Variants in NAA15 observed in about 807,000 individuals in gnomAD.
NAA15 encodes the protein N-terminal acetyltransferase.
A neutral mutation model predicts 114.0 loss-of-function variants in NAA15; 34 were observed. That is an observed-to-expected ratio of 0.30 (90% CI 0.23 to 0.40). The LOEUF is 0.40. NAA15 is among the 10% of genes least tolerant of loss of function. The probability of loss-of-function intolerance (pLI) is 1.00; values close to 1 mark genes in which losing one functional copy is unlikely to be tolerated. For synonymous variants in NAA15, 340 were observed against 338.0 expected (o/e 1.01, Z -0.06); for missense variants, 658 against 1,004.5 (o/e 0.66, Z 4.66).
chr4:139,303,920 T>TTTTG (rs372264241), intron 1 of NAA15, among the ~76,000 whole-genome samples: 2 of 152,238 alleles, frequency 1.3e-5, no homozygotes, highest in Non-Finnish European at 2.9e-5. Context: ...TAGCACTTTT[T>TTTTG]TTTGTTTGTT....
chr4:139,374,835 A>C (rs1748539061), intron 15 of NAA15, among the ~76,000 whole-genome samples: 1 of 152,176 alleles, frequency 6.6e-6, no homozygotes, highest in African/African-American at 2.4e-5. Context: ...CTTTGGGGGA[A>C]TATGTTCTTG....
At chr4:139,369,597 A>G (rs112030503) in intron 14 of NAA15, among the ~76,000 whole-genome samples, 42,296 of 151,656 alleles carry the variant, frequency 0.28, 6,247 homozygotes, top group African/African-American at 0.38. Context: ...AATCAGCCGG[A>G]CGTGGTGGCA....
At chr4:139,368,820 C>G (rs1217688885) in intron 14 of NAA15, among the ~76,000 whole-genome samples, 2 of 152,076 alleles carry the variant, frequency 1.3e-5, no homozygotes, top group Non-Finnish European at 2.9e-5. Flanking sequence ...TTTCATTTCT[C>G]TATATTAACA....
intron 14 of NAA15, among the ~76,000 whole-genome samples, chr4:139,365,331 T>G (rs1006380935): frequency 6.6e-6 from 1 of 151,490 alleles, no homozygotes; most frequent in African/African-American, 2.4e-5. Flanking sequence ...AGCCACCACA[T>G]GCGGCCTACA....
intron 15 of NAA15, among the ~76,000 whole-genome samples, chr4:139,373,703 C>CTT (rs397964878): frequency 2.1e-5 from 3 of 143,050 alleles, no homozygotes; most frequent in Admixed American, 7.0e-5. Flanking sequence ...TGTTTGTTTG[C>CTT]TTTTTTTTTT....
Position 139,344,268 on chromosome 4 carries a change from G to T in NAA15, c.620G>T (p.Arg207Ile), listed in dbSNP as rs371063595. 14 of 1,613,122 alleles carry T rather than the reference G, an allele frequency of 8.7e-6. 1 individual carries two copies. Among genetic ancestry groups the T allele is most frequent in the Non-Finnish European group, 7.6e-6 (9 of 1,179,466 alleles). Residue 207 changes from arginine (R) to isoleucine (I), a missense_variant, in exon 6 of 20, where the codon AGA becomes ATA. Physicochemically the swap from Arg to Ile is moderately conservative, Grantham distance 97 (BLOSUM62 -3). Coordinates refer to ENST00000296543, the MANE Select transcript of NAA15 (RefSeq NM_057175.5). ...GTTCTTCGGGAAGCAGGTCTCTATA[G>T]AGAAGCTTTGGAACATCTTTGTACC... ...NQVLREAGLY[R>I]EALEHLCTYE...
intron 6 of NAA15, among the ~76,000 whole-genome samples, chr4:139,348,299 C>A (rs983001650): frequency 1.4e-4 from 21 of 151,820 alleles, no homozygotes; most frequent in African/African-American, 4.6e-4. Flanking sequence ...ACAAAACATA[C>A]AAAAATTATC....
At chr4:139,331,873 CTTT>C (rs1302046288) in intron 1 of NAA15, among the ~76,000 whole-genome samples, 1 of 151,982 alleles carries the variant, frequency 6.6e-6, no homozygotes, top group Non-Finnish European at 1.5e-5. Flanking sequence ...CTTATACAAG[CTTT>C]TGTTTTTTCT....
chr4:139,332,648 T>C (rs961646858), intron 1 of NAA15, among the ~76,000 whole-genome samples: 24 of 140,006 alleles, frequency 1.7e-4, no homozygotes, highest in African/African-American at 5.9e-4. Flanking sequence ...GGTGGTGCGA[T>C]CTCTGCTCAC....
At chr4:139,357,737 T>C (rs774370480) in intron 11 of NAA15, among the ~76,000 whole-genome samples, 182 bp downstream of exon 11, 5 of 152,218 alleles carry the variant, frequency 3.3e-5, no homozygotes, top group Non-Finnish European at 7.3e-5. Flanking sequence ...GCTAATTTGG[T>C]GATTTATCTA....
intron 1 of NAA15, among the ~76,000 whole-genome samples, chr4:139,317,518 G>A (rs1347548946): frequency 6.6e-6 from 1 of 152,178 alleles, no homozygotes; most frequent in Non-Finnish European, 1.5e-5. Flanking sequence ...CTACTCGGAA[G>A]GCTGAGGCAG....
At chr4:139,349,427 AT>A in intron 6 of NAA15, 34 bp from the exon 7 acceptor site, 1 of 1,485,160 alleles carries the variant, frequency 6.7e-7, no homozygotes, top group Non-Finnish European at 9.0e-7. Flanking sequence ...GTTTTCTCAG[AT>A]ATTAAAATTT....
intron 9 of NAA15, among the ~76,000 whole-genome samples, chr4:139,352,943 C>G (rs1264729347): frequency 6.6e-6 from 1 of 152,114 alleles, no homozygotes; most frequent in Non-Finnish European, 1.5e-5. Flanking sequence ...GCTGGGATTA[C>G]AGATGTGAGC....
At chr4:139,359,070 A>T (rs1037460039) in intron 11 of NAA15, among the ~76,000 whole-genome samples, 9 of 151,350 alleles carry the variant, frequency 5.9e-5, no homozygotes, top group Admixed American at 5.9e-4. Flanking sequence ...GTGCCACTGT[A>T]CTCTAGTCTG....
intron 6 of NAA15, among the ~76,000 whole-genome samples, chr4:139,347,648 G>A (rs1210891113): frequency 6.6e-6 from 1 of 152,066 alleles, no homozygotes; most frequent in Non-Finnish European, 1.5e-5. Flanking sequence ...TCTTCAAAAA[G>A]AAAGAATGAA....
At position 139,349,448 on chromosome 4, in the gene NAA15, C is replaced by A. The variant is rs773153978; in HGVS notation, c.692-14C>A. 2 of 1,488,598 alleles carry A rather than the reference C, an allele frequency of 1.3e-6. No individual in the cohort carries two copies. The highest frequency in any genetic ancestry group is 1.8e-6 in the Non-Finnish European group (2 of 1,119,252). 92.2% of individuals were successfully genotyped at this position (1,488,598 alleles called of 1,614,324 possible). ...TCAGATATTAAAATTTTTTTTTTTT[C>A]TGTTTTTAATCAGGGGAACTTCTGT... On this transcript the variant is annotated splice_polypyrimidine_tract_variant and intron_variant, in intron 6 of 19. Coordinates refer to ENST00000296543, the MANE Select transcript of NAA15 (RefSeq NM_057175.5).
intron 6 of NAA15, among the ~76,000 whole-genome samples, chr4:139,347,394 G>A (rs925771914): frequency 1.2e-4 from 18 of 152,092 alleles, no homozygotes; most frequent in African/African-American, 4.3e-4. Flanking sequence ...CACTTTGGGA[G>A]GCTGAGACCA....
intron 1 of NAA15, among the ~76,000 whole-genome samples, chr4:139,322,062 C>G (rs1356972741): frequency 2.0e-5 from 3 of 152,026 alleles, no homozygotes; most frequent in Non-Finnish European, 4.4e-5. Flanking sequence ...AGACAATTTG[C>G]TTGTTTATCA....
At chr4:139,361,060 T>G (rs982788068) in intron 13 of NAA15, among the ~76,000 whole-genome samples, 14 of 152,304 alleles carry the variant, frequency 9.2e-5, no homozygotes, top group African/African-American at 3.4e-4. Context: ...TCATGCTGTT[T>G]GATAAAATTG....
Sources: gnomAD v4.1 joint callset for allele counts (sites outside exome capture counted in the v4.1 genomes callset) on GRCh38, gnomAD v4.1.1 for gene constraint, MANE v1.5 for transcripts, NCBI Gene and HGNC (gene_info 2026-07-23, HGNC 2026-07-21) for gene names.